Variants in SPICE1 observed in about 807,000 individuals in gnomAD.
The protein encoded by SPICE1 is spindle and centriole associated protein 1.
SPICE1 carries 75 observed loss-of-function variants against 102.7 expected under a neutral mutation model. The observed-to-expected ratio is 0.73, with a 90% CI of 0.61 to 0.88. The LOEUF (loss-of-function observed/expected upper bound fraction) is 0.88. Among genes scored for constraint, SPICE1 ranks in the 40% least tolerant of loss-of-function variants. The pLI, the probability that SPICE1 is intolerant of heterozygous loss-of-function variation, is 0.00. For synonymous variants in SPICE1, 308 were observed against 350.3 expected (o/e 0.88, Z 1.35); for missense variants, 979 against 1,020.1 (o/e 0.96, Z 0.55).
At chr3:113,459,456 C>A (rs115564010) in intron 12 of SPICE1, 26,882 of 949,188 alleles carry the variant, frequency 0.028, 399 homozygotes, top group Middle Eastern at 0.049. Context: ...CAAAACAAAA[C>A]AAAAAAAAAC....
intron 7 of SPICE1, among the ~76,000 whole-genome samples, chr3:113,478,435 A>T (rs1395621360): frequency 6.6e-6 from 1 of 152,150 alleles, no homozygotes. Flanking sequence ...TTCATTCCTG[A>T]TATTAGATGA....
intron 16 of SPICE1, 27 bp downstream of exon 16, chr3:113,448,011 T>TTTA: frequency 6.5e-6 from 10 of 1,540,184 alleles, no homozygotes; most frequent in South Asian, 2.5e-5. Context: ...TTTTTTTTTT[T>TTTA]AAATAAATAT....
chr3:113,485,093 T>C (rs1446047756), intron 7 of SPICE1, among the ~76,000 whole-genome samples: 1 of 151,852 alleles, frequency 6.6e-6, no homozygotes, highest in Non-Finnish European at 1.5e-5. Flanking sequence ...CTCCAGTGCC[T>C]ACCCCAGCAG....
At chr3:113,476,536 A>G (rs1042107572) in intron 7 of SPICE1, among the ~76,000 whole-genome samples, 10 of 144,606 alleles carry the variant, frequency 6.9e-5, no homozygotes, top group Non-Finnish European at 1.5e-4. Flanking sequence ...TTCAAACTAT[A>G]CTACAAGGCT....
intron 10 of SPICE1, among the ~76,000 whole-genome samples, chr3:113,467,076 G>A (rs1422910319): frequency 6.6e-6 from 1 of 152,038 alleles, no homozygotes; most frequent in Non-Finnish European, 1.5e-5. Flanking sequence ...TCAATTTTAG[G>A]AAGACGGCTC....
chr3:113,455,633 C>T (rs1935763748), intron 13 of SPICE1, among the ~76,000 whole-genome samples: 1 of 152,126 alleles, frequency 6.6e-6, no homozygotes, highest in African/African-American at 2.4e-5. Flanking sequence ...TATGTATCAC[C>T]CATTTTCATC....
At position 113,465,781 on chromosome 3, in the gene SPICE1, C is replaced by T. The variant is rs1457333052; in HGVS notation, c.1159G>A (p.Glu387Lys). Residue 387 changes from glutamate to lysine, a missense_variant, in exon 11 of 18, where the codon GAG becomes AAG. Glu to Lys is a moderately conservative substitution (Grantham distance 56). Transcript: ENST00000295872. Reference sequence around the variant, plus strand: ...TCTACTTCTTTACGTAGCTGGATCTCACTCTACAAAAAAATATCAAATAAA... The same window carrying T: ...TCTACTTCTTTACGTAGCTGGATCTTACTCTACAAAAAAATATCAAATAAA... The part of the protein sequence containing the change: ...CRLVRYLKES[E>K]IQLRKEVETR... The T allele has an allele frequency of 6.2e-7, 1 of 1,609,894 alleles. No individual in the cohort carries two copies. The highest frequency in any genetic ancestry group is 1.7e-5 in the Admixed American group (1 of 59,124).
intron 6 of SPICE1, among the ~76,000 whole-genome samples, chr3:113,491,646 A>AAAAAAAAT (rs1559972346): frequency 6.7e-6 from 1 of 150,278 alleles, no homozygotes; most frequent in African/African-American, 2.5e-5. Flanking sequence ...AAAAAAAAAA[A>AAAAAAAAT]AAAGATTATC....
intron 7 of SPICE1, among the ~76,000 whole-genome samples, chr3:113,476,461 G>A (rs1936349713): frequency 6.7e-6 from 1 of 148,452 alleles, no homozygotes; most frequent in East Asian, 1.9e-4. Context: ...AACCGAAAAA[G>A]AGCCTGCATC....
Position 113,444,978 on chromosome 3 carries a change from A to C in SPICE1, c.*329T>G, listed in dbSNP as rs114344317. ...TAAATAAATGGATCAACTAAGATATACTAAACCTCAAAAAACCCTGAATAA... is the reference window on the plus strand; with the variant it reads ...TAAATAAATGGATCAACTAAGATATCCTAAACCTCAAAAAACCCTGAATAA... On this transcript the variant is annotated 3_prime_UTR_variant, in exon 18 of 18. Coordinates refer to ENST00000295872, the MANE Select transcript of SPICE1 (RefSeq NM_144718.4). 136 of 173,222 alleles carry C rather than the reference A, an allele frequency of 7.9e-4. No individual in the cohort carries two copies. Among genetic ancestry groups the C allele is most frequent in the African/African-American group, 3.1e-3 (130 of 42,368 alleles). The allele number at this position is 173,222 out of a possible 1,614,324, so 10.7% of individuals were successfully genotyped here. A position where few individuals can be genotyped will look rare whatever the true frequency, so the allele number is the denominator to read the frequency against.
intron 5 of SPICE1, among the ~76,000 whole-genome samples, 156 bp from the exon 6 acceptor site, chr3:113,493,468 G>T (rs1001806580): frequency 6.6e-6 from 1 of 152,118 alleles, no homozygotes; most frequent in East Asian, 1.9e-4. Flanking sequence ...TGTTCTAAAC[G>T]TACTTACATA....
intron 1 of SPICE1, among the ~76,000 whole-genome samples, chr3:113,512,825 G>C (rs1040786066): frequency 1.3e-5 from 2 of 152,028 alleles, no homozygotes. Context: ...CTTTCCATTA[G>C]ATACCCTCTC....
At chr3:113,481,264 G>C (rs2107481180) in intron 7 of SPICE1, among the ~76,000 whole-genome samples, 1 of 152,184 alleles carries the variant, frequency 6.6e-6, no homozygotes, top group South Asian at 2.1e-4. Context: ...TAACTAGTTA[G>C]GAGGTATAAT....
At chr3:113,465,828 G>A in intron 10 of SPICE1, 44 bp from the exon 11 acceptor site, 3 of 1,589,066 alleles carry the variant, frequency 1.9e-6, no homozygotes, top group Non-Finnish European at 2.6e-6. Flanking sequence ...AGCATCACAT[G>A]TTGAAAACTA....
At chr3:113,514,872 C>G in intron 1 of SPICE1, 25 bp downstream of exon 1, 1 of 1,213,636 alleles carries the variant, frequency 8.2e-7, no homozygotes, top group Non-Finnish European at 1.0e-6. Flanking sequence ...CACAAACATA[C>G]CCAGACACGC....
intron 17 of SPICE1, among the ~76,000 whole-genome samples, 200 bp from the exon 18 acceptor site, chr3:113,445,560 C>G (rs1481929861): frequency 6.6e-6 from 1 of 152,130 alleles, no homozygotes; most frequent in East Asian, 1.9e-4. Context: ...GTCAACAGAT[C>G]CTCTTACTGA....
chr3:113,483,799 T>C (rs900690380), intron 7 of SPICE1, among the ~76,000 whole-genome samples: 2 of 152,250 alleles, frequency 1.3e-5, no homozygotes, highest in East Asian at 1.9e-4. Context: ...TTGAGGATTT[T>C]TGCATCGATG....
intron 12 of SPICE1, among the ~76,000 whole-genome samples, chr3:113,457,654 T>C (rs1335411323): frequency 1.3e-5 from 2 of 152,130 alleles, no homozygotes; most frequent in Non-Finnish European, 2.9e-5. Flanking sequence ...CCAGAGTTTG[T>C]CTTTTCCATT....
intron 3 of SPICE1, 23 bp downstream of exon 3, chr3:113,503,157 T>G: frequency 6.2e-7 from 1 of 1,604,580 alleles, no homozygotes; most frequent in Non-Finnish European, 8.5e-7. Flanking sequence ...AATAAATGAC[T>G]TAAGTTTTGA....
Sources: allele counts gnomAD v4.1 joint callset (sites outside exome capture counted in the v4.1 genomes callset), GRCh38; gene constraint gnomAD v4.1.1; transcripts MANE v1.5; gene names NCBI Gene and HGNC (gene_info 2026-07-23, HGNC 2026-07-21).